ZNF24: variants seen among roughly 807,000 people sequenced by gnomAD.
ZNF24 encodes the protein retinoic acid suppression protein A.
A neutral mutation model predicts 40.9 loss-of-function variants in ZNF24; 11 were observed. The observed-to-expected ratio is 0.27, with a 90% confidence interval of 0.17 to 0.45. The LOEUF (loss-of-function observed/expected upper bound fraction) is 0.45, where lower values mean the gene tolerates loss of function less well. Ranked by LOEUF, ZNF24 falls within the 20% of genes least tolerant of loss-of-function variation. The probability of loss-of-function intolerance (pLI) is 1.00; values close to 1 mark genes in which losing one functional copy is unlikely to be tolerated. For missense variants in ZNF24, 293 were observed against 437.7 expected (o/e 0.67, Z 2.95); for synonymous variants, 139 against 154.7 (o/e 0.90, Z 0.75).
At chr18:35,338,675 G>T (rs1362859) in intron 3 of ZNF24, 3 of 1,055,680 alleles carry the variant, frequency 2.8e-6, no homozygotes, top group Non-Finnish European at 3.4e-6. Flanking sequence ...CTAAGAGAGA[G>T]AGACTGAAAG....
At chr18:35,344,088 G>A (rs151177956) in intron 1 of ZNF24, among the ~76,000 whole-genome samples, 2 of 151,408 alleles carry the variant, frequency 1.3e-5, no homozygotes, top group African/African-American at 4.9e-5. Flanking sequence ...CCTCGAAATA[G>A]AACAAAACCG....
At position 35,336,250 on chromosome 18, in the gene ZNF24, A is replaced by G. The variant is rs2143847990; in HGVS notation, c.*982T>C. 1 of 152,744 alleles carries G rather than the reference A, an allele frequency of 6.5e-6. No individual in the cohort carries two copies. The highest frequency in any genetic ancestry group is 1.9e-4 in the East Asian group (1 of 5,186). The allele number at this position is 152,744 out of a possible 1,614,324, so 9.5% of individuals were successfully genotyped here. A position where few individuals can be genotyped will look rare whatever the true frequency, so the allele number is the denominator to read the frequency against. ...TTAGCCTGACGTTCAACCCTTTTGT[A>G]CCAAAGGAATAAAAAATAGGTAACC... is the stretch of plus-strand genomic sequence containing the variant. On this transcript the variant is annotated 3_prime_UTR_variant, in exon 4 of 4. Coordinates refer to ENST00000261332, the MANE Select transcript of ZNF24 (RefSeq NM_006965.4).
chr18:35,342,890 T>C (rs914747100), intron 1 of ZNF24, among the ~76,000 whole-genome samples: 32 of 152,212 alleles, frequency 2.1e-4, no homozygotes, highest in Admixed American at 1.8e-3. Context: ...CGACAAACCC[T>C]ATGTCAATAA....
Position 35,337,267 on chromosome 18 carries a change from T to C in ZNF24, c.1072A>G (p.Asn358Asp). 1.3e-6 allele frequency: 2 copies of C among 1,496,218 alleles called. No individual in the cohort carries two copies. The highest frequency in any genetic ancestry group is 1.8e-6 in the Non-Finnish European group (2 of 1,116,052). The allele number at this position is 1,496,218 out of a possible 1,614,324, so 92.7% of individuals were successfully genotyped here. A position where few individuals can be genotyped will look rare whatever the true frequency, so the allele number is the denominator to read the frequency against. Reference sequence around the variant, plus strand: ...ACAACATTCAGAAGTTTTTCTGCATTGTGTCTTCTCTGATGTCTAAAAAGA... The same window carrying C: ...ACAACATTCAGAAGTTTTTCTGCATCGTGTCTTCTCTGATGTCTAAAAAGA... Reference protein sequence around the residue: ...SNLFRHQRRHNAEKLLNVVKV With the variant: ...SNLFRHQRRHDAEKLLNVVKV The change falls in exon 4 of 4, where the codon AAT becomes GAT. Residue 358 changes from asparagine to aspartate, a missense_variant. Asn to Asp is a conservative substitution (Grantham distance 23). Around this residue, in one of 2 missense-constraint regions of ZNF24, gnomAD observed 59 missense variants for 138.6 expected, o/e 0.43. Coordinates refer to ENST00000261332, the MANE Select transcript of ZNF24 (RefSeq NM_006965.4).
At position 35,340,881 on chromosome 18, in the gene ZNF24, C is replaced by T. The variant is rs549398325; in HGVS notation, c.-83-148G>A. ...CAGGAATTGGCAAACTACAGCTTCA[C>T]GGCCAAATCTAGCCTGCCACCCATT... On this transcript the variant is annotated intron_variant, in intron 1 of 3. Coordinates refer to ENST00000261332, the MANE Select transcript of ZNF24 (RefSeq NM_006965.4). This position sits in a 1 kb window ranked among gnomAD's most constrained non-coding sequence, Gnocchi z 4.6. 8.5e-5 allele frequency: 43 copies of T among 507,532 alleles called. No individual in the cohort carries two copies. The highest frequency in any genetic ancestry group is 4.8e-4 in the African/African-American group (25 of 51,810). 31.4% of individuals were successfully genotyped at this position (507,532 alleles called of 1,614,324 possible). A position where few individuals can be genotyped will look rare whatever the true frequency, so the allele number is the denominator to read the frequency against.
rs1327810550 is a variant in ZNF24 at position 35,335,412 on chromosome 18, A to C, written c.*1820T>G. 1 of 152,188 alleles carries C rather than the reference A, an allele frequency of 6.6e-6. No individual in the cohort carries two copies. Among genetic ancestry groups the C allele is most frequent in the East Asian group, 1.9e-4 (1 of 5,198 alleles). 9.4% of individuals were successfully genotyped at this position (152,188 alleles called of 1,614,324 possible). A position where few individuals can be genotyped will look rare whatever the true frequency, so the allele number is the denominator to read the frequency against. On this transcript the variant is annotated 3_prime_UTR_variant, in exon 4 of 4. Coordinates refer to ENST00000261332, the MANE Select transcript of ZNF24 (RefSeq NM_006965.4). ...CACATTTTTTATAATTGTTATCAGA[A>C]AACCTATAAACAAGCTCCATTCTGC...
intron 1 of ZNF24, among the ~76,000 whole-genome samples, chr18:35,341,633 G>A (rs1045692263): frequency 6.6e-6 from 1 of 152,142 alleles, no homozygotes; most frequent in Non-Finnish European, 1.5e-5. Flanking sequence ...ACAAGATATG[G>A]AGGTAGAAGG....
chr18:35,337,680 T>C lies in ZNF24; in HGVS notation c.659A>G (p.Asn220Ser), dbSNP rs2032729. Residue 220 changes from asparagine to serine, a missense_variant, in exon 4 of 4, where the codon AAT (asparagine) becomes AGT (serine). Transcript: ENST00000261332. ...LESHEVPGTL[N>S]MGVPQIFKYG... ...TTTAAAAATTTGAGGAACACCCATA[T>C]TGAGAGTGCCAGGAACTTCATGGGA... is the stretch of plus-strand genomic sequence containing the variant. The C allele has an allele frequency of 0.88, 1,415,257 of 1,613,548 alleles. 629,568 individuals carry two copies. Among genetic ancestry groups the C allele is most frequent in the Non-Finnish European group, 0.91 (1,078,686 of 1,179,980 alleles).
rs753654830 is a variant in ZNF24 at position 35,339,949 on chromosome 18, C to T, written c.448G>A (p.Val150Ile). 7 of 1,610,776 alleles carry T rather than the reference C, an allele frequency of 4.3e-6. No homozygotes were observed. The highest frequency in any genetic ancestry group is 4.2e-6 in the Non-Finnish European group (5 of 1,177,240). ...PVSLRRRKRE[V>I]LVEDMVSQEE... Reference sequence around the variant, plus strand: ...TGAGATACCATGTCTTCTACTAGTACTTCCCGTTTTCGTCGACGGAGAGAA... The same window carrying T: ...TGAGATACCATGTCTTCTACTAGTATTTCCCGTTTTCGTCGACGGAGAGAA... The change falls in exon 3 of 4, where the codon GTA becomes ATA. Residue 150 changes from valine (V) to isoleucine (I), a missense_variant. Val to Ile is a conservative substitution (Grantham distance 29). Transcript: ENST00000261332.
Position 35,340,636 on chromosome 18 carries a change from T to C in ZNF24, c.15A>G (p.Ser5=). 4 of 1,613,268 alleles carry C rather than the reference T, an allele frequency of 2.5e-6. No homozygotes were observed. Among genetic ancestry groups the C allele is most frequent in the Non-Finnish European group, 3.4e-6 (4 of 1,179,934 alleles). Residue 5 remains serine, a synonymous_variant, in exon 2 of 4, where the codon TCA becomes TCG. Coordinates refer to ENST00000261332, the MANE Select transcript of ZNF24 (RefSeq NM_006965.4). This position sits in a 1 kb window ranked among gnomAD's most constrained non-coding sequence, Gnocchi z 4.6. The part of the protein sequence containing the change: MSAQ[S]VEEDSILIIP... ...TGATAAGTATTGAATCTTCTTCCACTGACTGTGCAGACATTCTGATTTATA... is the reference window on the plus strand; with the variant it reads ...TGATAAGTATTGAATCTTCTTCCACCGACTGTGCAGACATTCTGATTTATA...
chr18:35,339,700 A>G (rs1381391120), intron 3 of ZNF24, 129 bp downstream of exon 3: 4 of 805,924 alleles, frequency 5.0e-6, no homozygotes, highest in African/African-American at 3.5e-5. Context: ...AATCAACTTA[A>G]TCAGAAAAAA....
At chr18:35,338,723 C>A in intron 3 of ZNF24, 1 of 1,161,912 alleles carries the variant, frequency 8.6e-7, no homozygotes, top group South Asian at 3.0e-5. Flanking sequence ...ACTTGAAAAA[C>A]AGAGGAGCGT....
Position 35,339,951 on chromosome 18 carries a change from T to C in ZNF24, c.446A>G (p.Glu149Gly), listed in dbSNP as rs1471635452. The C allele has an allele frequency of 6.2e-7, 1 of 1,610,240 alleles. No individual in the cohort carries two copies. Among genetic ancestry groups the C allele is most frequent in the Non-Finnish European group, 8.5e-7 (1 of 1,176,980 alleles). Residue 149 changes from glutamate (E) to glycine (G), a missense_variant, in exon 3 of 4, where the codon GAA (glutamate) becomes GGA (glycine). Physicochemically the swap from Glu to Gly is moderately conservative, Grantham distance 98. This residue lies in a region of ZNF24 where 234 missense variants were observed against 299.2 expected (regional missense o/e 0.78). Transcript: ENST00000261332. ...QPVSLRRRKR[E>G]VLVEDMVSQE... The stretch of plus-strand genomic sequence containing the variant: ...AGATACCATGTCTTCTACTAGTACT[T>C]CCCGTTTTCGTCGACGGAGAGAAAC...
At position 35,333,992 on chromosome 18, in the gene ZNF24, C is replaced by G. The variant is rs573356094; in HGVS notation, c.*3240G>C. On this transcript the variant is annotated 3_prime_UTR_variant, in exon 4 of 4. Transcript: ENST00000261332. ...AAATGGGGTTATGTCCTACTTTATA[C>G]GGTAGCTGAGGATTAAGAGTTAATC... 6.6e-6 allele frequency: 1 copy of G among 152,096 alleles called. No homozygotes were observed. The highest frequency in any genetic ancestry group is 1.5e-5 in the Non-Finnish European group (1 of 68,022). 9.4% of individuals were successfully genotyped at this position (152,096 alleles called of 1,614,324 possible).
At chr18:35,343,155 T>A (rs1168339137) in intron 1 of ZNF24, among the ~76,000 whole-genome samples, 3 of 152,212 alleles carry the variant, frequency 2.0e-5, no homozygotes, top group African/African-American at 4.8e-5. Flanking sequence ...CACATAATAT[T>A]GAAAAGATCA....
chr18:35,340,378 G>C lies in ZNF24; in HGVS notation c.273C>G (p.Ile91Met), dbSNP rs2044956311. Residue 91 changes from isoleucine to methionine, a missense_variant, in exon 2 of 4, where the codon ATC becomes ATG. Physicochemically the swap from Ile to Met is conservative, Grantham distance 10 (BLOSUM62 1). Around this residue, in one of 2 missense-constraint regions of ZNF24, gnomAD observed 234 missense variants for 299.2 expected, o/e 0.78. Transcript: ENST00000261332. This position sits in a 1 kb window ranked among gnomAD's most constrained non-coding sequence, Gnocchi z 4.6. Reference sequence around the variant, plus strand: ...ACTGCTCCAGCACTACCAGCTCCAAGATTTGTTCTTTTGTGTGCGTCTCTG... The same window carrying C: ...ACTGCTCCAGCACTACCAGCTCCAACATTTGTTCTTTTGTGTGCGTCTCTG... ...LRPETHTKEQ[I>M]LELVVLEQFV... is the part of the protein sequence containing the mutation. 1.2e-6 allele frequency: 2 copies of C among 1,614,088 alleles called. No homozygotes were observed. The highest frequency in any genetic ancestry group is 2.2e-5 in the South Asian group (2 of 91,082).
Position 35,337,370 on chromosome 18 carries a change from A to G in ZNF24, c.969T>C (p.Ile323=). 6.2e-7 allele frequency: 1 copy of G among 1,614,172 alleles called. No homozygotes were observed. The highest frequency in any genetic ancestry group is 1.7e-4 in the Middle Eastern group (1 of 6,060). The change falls in exon 4 of 4, where the codon ATT becomes ATC. Residue 323 remains isoleucine (I), a synonymous_variant. Transcript: ENST00000261332. ...CCCCAGTATGGATTCTCTGATGATT[A>G]ATAAGCCCCGAATTCTGGCTAAAGG... ...GKAFSQNSGL[I]NHQRIHTGEK...
At chr18:35,342,617 T>C (rs944780327) in intron 1 of ZNF24, 5 of 152,342 alleles carry the variant, frequency 3.3e-5, no homozygotes, top group Admixed American at 3.3e-4. Flanking sequence ...ATAGTTAGCA[T>C]TGTGTTACAA....
intron 1 of ZNF24, among the ~76,000 whole-genome samples, chr18:35,343,520 C>T (rs2044988134): frequency 6.6e-6 from 1 of 152,080 alleles, no homozygotes; most frequent in South Asian, 2.1e-4. Flanking sequence ...TGAACAATAA[C>T]AACTTAAAAA....
Sources: allele counts gnomAD v4.1 joint callset (sites outside exome capture counted in the v4.1 genomes callset), GRCh38; gene constraint gnomAD v4.1.1; regional missense constraint gnomAD v4.1.1; non-coding constraint Gnocchi (gnomAD v3.1); transcripts MANE v1.5; gene names NCBI Gene and HGNC (gene_info 2026-07-23, HGNC 2026-07-21).